The following STK36 variants were observed in gnomAD, a reference collection of about 807,000 sequenced individuals.
STK36 encodes serine/threonine-protein kinase 36.
A neutral mutation model predicts 142.2 loss-of-function variants in STK36; 116 were observed. That is an observed-to-expected ratio of 0.82 (90% CI 0.70 to 0.95). The LOEUF is 0.95. Among genes scored for constraint, STK36 ranks in the 40% least tolerant of loss-of-function variants. The pLI, the probability that STK36 is intolerant of heterozygous loss-of-function variation, is 0.00. For missense variants in STK36, 1,422 were observed against 1,617.2 expected, an observed-to-expected ratio of 0.88 and a Z score of 2.07; for synonymous variants, 619 against 641.7, an observed-to-expected ratio of 0.96 and a Z score of 0.53.
chr2:218,687,410 T>A (rs1330523896), intron 11 of STK36, among the ~76,000 whole-genome samples: 1 of 152,248 alleles, frequency 6.6e-6, no homozygotes, highest in African/African-American at 2.4e-5. Context: ...TGATCCATCT[T>A]GAGCTAATTT....
At position 218,692,287 on chromosome 2, in the gene STK36, C is replaced by T. The variant is rs757632451; in HGVS notation, c.1909C>T (p.Pro637Ser). 4 of 1,614,046 alleles carry T rather than the reference C, an allele frequency of 2.5e-6. No individual in the cohort carries two copies. The highest frequency in any genetic ancestry group is 2.7e-5 in the African/African-American group (2 of 74,932). ...AGTTCCACAGCTCCCTGTCCACACT[C>T]CCCAAGGTAACCAGAGTGGAGAAGG... ...LTVPQLPVHT[P>S]QGAPQVSQPL... Residue 637 changes from proline (P) to serine (S), a missense_variant, in exon 15 of 27, where the codon CCC (proline) becomes TCC (serine). By Grantham distance (74) the Pro-to-Ser change is moderately conservative. Around this residue, in one of 2 missense-constraint regions of STK36, gnomAD observed 962 missense variants for 1,167.5 expected, o/e 0.82. Coordinates refer to ENST00000295709, the MANE Select transcript of STK36 (RefSeq NM_015690.5).
chr2:218,679,438 G>C (rs1006573081), intron 7 of STK36, 122 bp from the exon 8 acceptor site: 10 of 1,356,862 alleles, frequency 7.4e-6, no homozygotes, highest in African/African-American at 5.9e-5. Context: ...CTCTCTCTCT[G>C]TCACTTTTTC....
At position 218,676,117 on chromosome 2, in the gene STK36, C is replaced by A; in HGVS notation, c.523C>A (p.Arg175=). 1 of 1,614,082 alleles carries A rather than the reference C, an allele frequency of 6.2e-7. No individual in the cohort carries two copies. Among genetic ancestry groups the A allele is most frequent in the Non-Finnish European group, 8.5e-7 (1 of 1,180,008 alleles). Residue 175 remains arginine, a synonymous_variant, in exon 6 of 27, where the codon CGA becomes AGA. Coordinates refer to ENST00000295709, the MANE Select transcript of STK36 (RefSeq NM_015690.5). ...LYMSPELVEE[R]PYDHTADLWS... is the part of the protein sequence containing the mutation. The stretch of plus-strand genomic sequence containing the variant: ...TATGTCTCCAGAGCTGGTGGAGGAG[C>A]GACCATACGACCACACAGCGGACCT...
At chr2:218,695,686 A>C (rs1293971639) in intron 21 of STK36, among the ~76,000 whole-genome samples, 2 of 148,220 alleles carry the variant, frequency 1.3e-5, no homozygotes, top group East Asian at 4.0e-4. Flanking sequence ...GGTATACACC[A>C]CCATGCCTGG....
At chr2:218,683,156 G>A (rs1441683442) in intron 10 of STK36, among the ~76,000 whole-genome samples, 2 of 152,248 alleles carry the variant, frequency 1.3e-5, no homozygotes, top group East Asian at 1.9e-4. Flanking sequence ...GGACAACAGG[G>A]TGGACTATAG....
chr2:218,702,094 C>G lies in STK36; in HGVS notation c.*85C>G. 6.6e-7 allele frequency: 1 copy of G among 1,506,966 alleles called. No homozygotes were observed. 93.3% of individuals were successfully genotyped at this position (1,506,966 alleles called of 1,614,324 possible). The stretch of plus-strand genomic sequence containing the variant: ...CACAAGCCGCCAACTCAACTGAGAG[C>G]TAAAGAGACTAGAAAAGAGATAAGC... On this transcript the variant is annotated 3_prime_UTR_variant, in exon 27 of 27. Transcript: ENST00000295709.
chr2:218,674,032 A>G (rs566173523), intron 4 of STK36, 76 bp downstream of exon 4: 239 of 1,390,216 alleles, frequency 1.7e-4, no homozygotes, highest in Non-Finnish European at 2.2e-4. Context: ...CAAGCTAAGG[A>G]CACTGAGAGT....
intron 8 of STK36, 49 bp from the exon 9 acceptor site, chr2:218,679,844 T>C: frequency 1.9e-6 from 3 of 1,606,280 alleles, no homozygotes; most frequent in Non-Finnish European, 1.7e-6. Context: ...CATATTGTCC[T>C]ATAGCAATCA....
At position 218,685,148 on chromosome 2, in the gene STK36, C is replaced by G. The variant is rs1196372955; in HGVS notation, c.1300C>G (p.Leu434Val). The change falls in exon 11 of 27, where the codon CTG becomes GTG. Residue 434 changes from leucine to valine, a missense_variant. This residue lies in a region of STK36 where 962 missense variants were observed against 1,167.5 expected (regional missense o/e 0.82). Coordinates refer to ENST00000295709, the MANE Select transcript of STK36 (RefSeq NM_015690.5). ...GACCACTGAGCCTGTGCCTATTCAA[C>G]TGAAGGCTCCTCTCACCTTGCTGTG... ...LETTEPVPIQLKAPLTLLCNP... is the reference protein window; with the variant it reads ...LETTEPVPIQVKAPLTLLCNP... 1 of 1,614,212 alleles carries G rather than the reference C, an allele frequency of 6.2e-7. No individual in the cohort carries two copies.
At chr2:218,700,381 T>G (rs1238308192) in intron 26 of STK36, among the ~76,000 whole-genome samples, 1 of 151,950 alleles carries the variant, frequency 6.6e-6, no homozygotes, top group Non-Finnish European at 1.5e-5. Flanking sequence ...CTTTGTATTT[T>G]TATTATTTAT....
Position 218,698,817 on chromosome 2 carries a change from C to T in STK36, c.3273C>T (p.Val1091=), listed in dbSNP as rs753934096. 1.9e-6 allele frequency: 3 copies of T among 1,614,130 alleles called. No individual in the cohort carries two copies. The African/African-American group carries it at 4.0e-5, about 22-fold the overall frequency. Residue 1091 remains valine, a synonymous_variant, in exon 26 of 27, where the codon GTC becomes GTT. Coordinates refer to ENST00000295709, the MANE Select transcript of STK36 (RefSeq NM_015690.5). ...CTCTGCTGGCCCATACTGCCAGGGT[C>T]CTGTCTCCCAGCCACTTGTCCTTTA... ...LLSLLAHTAR[V]LSPSHLSFIQ...
chr2:218,682,112 A>C (rs997131065), intron 10 of STK36, among the ~76,000 whole-genome samples: 19 of 152,068 alleles, frequency 1.2e-4, no homozygotes, highest in African/African-American at 4.6e-4. Flanking sequence ...TTTTGAGTAG[A>C]GATGGGGTTT....
In STK36 at chr2:218,694,297, C is replaced by G; in HGVS notation, c.2370C>G (p.Leu790=). The change falls in exon 20 of 27, where the codon CTC becomes CTG. Residue 790 remains leucine, a synonymous_variant. Transcript: ENST00000295709. The surrounding 1 kb of genome is among the most constrained non-coding windows in gnomAD (Gnocchi z 4.4). ...AGCTAGGCAGTGACGTTGCTACTCT[C>G]TTTACCCATTCGCATGTCGTCTCTC... The part of the protein sequence containing the change: ...MEKLGSDVAT[L]FTHSHVVSLV... 1.2e-6 allele frequency: 2 copies of G among 1,614,164 alleles called. No homozygotes were observed. Among genetic ancestry groups the G allele is most frequent in the Non-Finnish European group, 8.5e-7 (1 of 1,179,982 alleles).
chr2:218,672,302 G>C (rs1221497667), intron 1 of STK36, 87 bp downstream of exon 1: 1 of 430,786 alleles, frequency 2.3e-6, no homozygotes, highest in Non-Finnish European at 4.2e-6. Flanking sequence ...AGCCAGAAGA[G>C]ATGGGGCTAA....
chr2:218,698,565 C>A, intron 25 of STK36, 37 bp from the exon 26 acceptor site: 1 of 1,596,212 alleles, frequency 6.3e-7, no homozygotes. Flanking sequence ...CATATACTCT[C>A]TCTCTCCCTG....
At chr2:218,701,671 T>C (rs539346202) in intron 26 of STK36, among the ~76,000 whole-genome samples, 195 bp from the exon 27 acceptor site, 2 of 152,336 alleles carry the variant, frequency 1.3e-5, no homozygotes, top group Admixed American at 1.3e-4. Flanking sequence ...AGTAGACTTC[T>C]GGTCCTGATG....
chr2:218,673,581 C>G, intron 2 of STK36, 44 bp from the exon 3 acceptor site: 2 of 1,575,286 alleles, frequency 1.3e-6, no homozygotes, highest in East Asian at 4.5e-5. Flanking sequence ...TAGATCTTTT[C>G]AGTAGTGTGA....
At chr2:218,686,608 G>A (rs910918713) in intron 11 of STK36, among the ~76,000 whole-genome samples, 3 of 152,046 alleles carry the variant, frequency 2.0e-5, no homozygotes, top group African/African-American at 7.2e-5. Context: ...TTTATAGCTG[G>A]TTAGTATTCC....
intron 7 of STK36, 31 bp downstream of exon 7, chr2:218,679,292 A>G (rs757301139): frequency 5.7e-6 from 9 of 1,581,750 alleles, no homozygotes; most frequent in Admixed American, 1.7e-5. Flanking sequence ...GGGCTCTTGG[A>G]CTTCCCAGTA....
Sources: allele counts gnomAD v4.1 joint callset (sites outside exome capture counted in the v4.1 genomes callset), GRCh38; gene constraint gnomAD v4.1.1; regional missense constraint gnomAD v4.1.1; non-coding constraint Gnocchi (gnomAD v3.1); transcripts MANE v1.5; gene names NCBI Gene and HGNC (gene_info 2026-07-23, HGNC 2026-07-21).